NELL1: variants seen among roughly 807,000 people sequenced by gnomAD.
NELL1 encodes protein kinase C-binding protein NELL1.
A neutral mutation model predicts 107.4 loss-of-function variants in NELL1; 76 were observed. The ratio of observed to expected loss-of-function variants is 0.71; its 90% CI spans 0.59 to 0.86. The LOEUF is 0.86. Among genes scored for constraint, NELL1 ranks in the 40% least tolerant of loss-of-function variants. NELL1 has a pLI of 0.00. For missense variants in NELL1, 1,024 were observed against 1,005.5 expected, an observed-to-expected ratio of 1.02 and a Z score of -0.25; for synonymous variants, 353 against 341.2, an observed-to-expected ratio of 1.03 and a Z score of -0.38.
intron 13 of NELL1, among the ~76,000 whole-genome samples, chr11:21,175,279 G>A (rs1273805834): frequency 6.6e-6 from 1 of 151,684 alleles, no homozygotes; most frequent in Non-Finnish European, 1.5e-5. Flanking sequence ...GGGCCTTTCT[G>A]CATGGCTGAA....
intron 13 of NELL1, among the ~76,000 whole-genome samples, chr11:21,115,600 A>C (rs573878304): frequency 2.1e-4 from 32 of 151,998 alleles, no homozygotes; most frequent in African/African-American, 7.7e-4. Flanking sequence ...ACAGTATGCT[A>C]TGTGAGTTTT....
chr11:20,885,423 C>G (rs758973762), intron 4 of NELL1, 21 bp from the exon 5 acceptor site: 1 of 1,485,172 alleles, frequency 6.7e-7, no homozygotes, highest in African/African-American at 1.4e-5. Context: ...CTATTAGTAA[C>G]TGTGTTCTTT....
At chr11:20,917,635 A>G (rs899195492) in intron 5 of NELL1, among the ~76,000 whole-genome samples, 1 of 151,994 alleles carries the variant, frequency 6.6e-6, no homozygotes, top group African/African-American at 2.4e-5. Context: ...AATTTGAGCT[A>G]TTCTTCCAGA....
chr11:21,236,256 T>C (rs1183870182), intron 14 of NELL1, among the ~76,000 whole-genome samples: 1 of 152,202 alleles, frequency 6.6e-6, no homozygotes, highest in East Asian at 1.9e-4. Context: ...ATGTATTATG[T>C]CTTGTTAAAC....
At chr11:21,021,096 A>G (rs1026821291) in intron 12 of NELL1, among the ~76,000 whole-genome samples, 1 of 151,716 alleles carries the variant, frequency 6.6e-6, no homozygotes, top group African/African-American at 2.4e-5. Flanking sequence ...ACAACTACCA[A>G]ATGTTCTTTC....
chr11:21,281,252 G>A (rs1848985509), intron 14 of NELL1, among the ~76,000 whole-genome samples: 1 of 151,930 alleles, frequency 6.6e-6, no homozygotes, highest in Non-Finnish European at 1.5e-5. Context: ...CCCAGTCTTA[G>A]AAAGACCCTT....
intron 14 of NELL1, among the ~76,000 whole-genome samples, chr11:21,285,347 C>G (rs753580809): frequency 2.8e-4 from 42 of 152,314 alleles, no homozygotes; most frequent in Non-Finnish European, 4.6e-4. Flanking sequence ...TAACATTCAG[C>G]AAACCAGCCT....
intron 13 of NELL1, among the ~76,000 whole-genome samples, chr11:21,142,529 A>G (rs1855891848): frequency 6.6e-6 from 1 of 152,248 alleles, no homozygotes; most frequent in Admixed American, 6.5e-5. Flanking sequence ...GCGGGCTTAA[A>G]TCACGGCAGA....
rs67447563 is a variant in NELL1 at position 20,915,717 on chromosome 11, ATTTTTTT to A, written c.604-2453_604-2447del. 8.2e-4 allele frequency among the ~76,000 whole-genome samples: 48 copies of A among 58,212 alleles called. 2 individuals carry two copies. The Admixed American group carries it at 8.4e-3, about 10-fold the overall frequency. 38.2% of individuals were successfully genotyped at this position (58,212 alleles called of 152,430 possible). ...TCATAGATGATATATATATATATAT[ATTTTTTT>A]TTTTTTTTTTTGAGAGGAATAAGGC... On this transcript the variant is annotated intron_variant, in intron 5 of 19. Coordinates refer to ENST00000357134, the MANE Select transcript of NELL1 (RefSeq NM_006157.5).
intron 13 of NELL1, among the ~76,000 whole-genome samples, chr11:21,114,232 C>T (rs540870576): frequency 6.4e-4 from 97 of 152,082 alleles, no homozygotes; most frequent in African/African-American, 1.8e-3. Context: ...TCCCTTAGCA[C>T]TACAGTGGTC....
chr11:20,928,051 T>A (rs767440451), intron 8 of NELL1, among the ~76,000 whole-genome samples: 3 of 152,242 alleles, frequency 2.0e-5, no homozygotes, highest in African/African-American at 7.2e-5. Flanking sequence ...AAACAGATTG[T>A]TAGAGCCTCA....
At chr11:20,783,971 A>T in intron 3 of NELL1, 141 bp downstream of exon 3, 1 of 744,732 alleles carries the variant, frequency 1.3e-6, no homozygotes, top group Non-Finnish European at 1.9e-6. Context: ...TCATGAATTT[A>T]CTTTGCATTA....
chr11:20,977,640 A>G (rs955460904), intron 12 of NELL1, among the ~76,000 whole-genome samples: 13 of 152,182 alleles, frequency 8.5e-5, no homozygotes, highest in Non-Finnish European at 1.9e-4. Context: ...TTATTAAATA[A>G]ATACTTAAGT....
At position 21,523,415 on chromosome 11, in the gene NELL1, G is replaced by C. The variant is rs182415488; in HGVS notation, c.1646-10959G>C. Among the ~76,000 whole-genome samples the C allele has an allele frequency of 2.6e-5, 4 of 152,172 alleles. No individual in the cohort carries two copies. In the East Asian group the frequency reaches 7.7e-4, roughly 29 times the overall value. On this transcript the variant is annotated intron_variant, in intron 15 of 19. Coordinates refer to ENST00000357134, the MANE Select transcript of NELL1 (RefSeq NM_006157.5). ...TGCATTTTTTTAAATATATATTGTA[G>C]ATCCAATATTATCCAATGCCTATGA...
intron 11 of NELL1, among the ~76,000 whole-genome samples, chr11:20,957,238 G>T (rs1167164608): frequency 6.6e-6 from 1 of 152,186 alleles, no homozygotes; most frequent in Non-Finnish European, 1.5e-5. Context: ...TGCCCAAAGA[G>T]ACTTGCCTGT....
chr11:21,267,427 AT>A (rs1249874742), intron 14 of NELL1, among the ~76,000 whole-genome samples: 1 of 152,024 alleles, frequency 6.6e-6, no homozygotes, highest in Admixed American at 6.6e-5. Flanking sequence ...CCATATATGC[AT>A]TTTTTTCTCT....
At chr11:21,235,856 T>TG (rs1341123067) in intron 14 of NELL1, among the ~76,000 whole-genome samples, 9 of 152,246 alleles carry the variant, frequency 5.9e-5, no homozygotes, top group African/African-American at 2.2e-4. Context: ...TACAGAATAA[T>TG]GGAAAAACAT....
intron 14 of NELL1, among the ~76,000 whole-genome samples, chr11:21,329,141 C>A (rs1850214988): frequency 6.6e-6 from 1 of 151,986 alleles, no homozygotes; most frequent in Non-Finnish European, 1.5e-5. Flanking sequence ...GTATCCTTAC[C>A]CAAATCTCAT....
intron 5 of NELL1, among the ~76,000 whole-genome samples, chr11:20,886,066 G>C (rs1424936040): frequency 6.6e-6 from 1 of 152,098 alleles, no homozygotes; most frequent in Non-Finnish European, 1.5e-5. Context: ...AATACACATG[G>C]ACACAAAGAT....
Sources: gnomAD v4.1 joint callset for allele counts (sites outside exome capture counted in the v4.1 genomes callset) on GRCh38, gnomAD v4.1.1 for gene constraint, MANE v1.5 for transcripts, NCBI Gene and HGNC (gene_info 2026-07-23, HGNC 2026-07-21) for gene names.